Variants in WWTR1 observed in about 807,000 individuals in gnomAD.
The protein encoded by WWTR1 is WW domain-containing transcription regulator protein 1.
In WWTR1, 13 loss-of-function variants were observed where a neutral mutation model predicts 40.1. The ratio of observed to expected loss-of-function variants is 0.32; its 90% CI spans 0.21 to 0.52. The LOEUF (loss-of-function observed/expected upper bound fraction) is 0.52. Ranked by LOEUF, WWTR1 falls within the 20% of genes least tolerant of loss-of-function variation. The pLI is 0.97. For missense variants in WWTR1, 436 were observed against 523.1 expected (o/e 0.83, Z 1.63); for synonymous variants, 230 against 210.1 (o/e 1.09, Z -0.82).
At position 149,517,795 on chromosome 3, in the gene WWTR1, A is replaced by G. The variant is rs918911126; in HGVS notation, c.*3010T>C. 7 of 152,224 alleles carry G rather than the reference A, an allele frequency of 4.6e-5. No homozygotes were observed. The highest frequency in any genetic ancestry group is 1.4e-4 in the African/African-American group (6 of 41,466). 9.4% of individuals were successfully genotyped at this position (152,224 alleles called of 1,614,324 possible). On this transcript the variant is annotated 3_prime_UTR_variant, in exon 7 of 7. Transcript: ENST00000360632. ...ACAGAATTGCAATTAGGTTTTGACA[A>G]TGTATTTACTTCAAGACAATGTATT...
intron 3 of WWTR1, among the ~76,000 whole-genome samples, chr3:149,560,963 C>G (rs1455508408): frequency 6.6e-6 from 1 of 151,732 alleles, no homozygotes; most frequent in Admixed American, 6.6e-5. Context: ...AACACCCCCC[C>G]CCGCAAAAAA....
Position 149,527,946 on chromosome 3 carries a change from G to A in WWTR1, c.795C>T (p.Leu265=). ...MRQEAALCRQ[L]PMEAETLAPV... is the part of the protein sequence containing the mutation. Reference sequence around the variant, plus strand: ...GGGCAAGAGTCTCAGCTTCCATGGGGAGCTGTCGACAGAGGGCAGCTTCCT... The same window carrying A: ...GGGCAAGAGTCTCAGCTTCCATGGGAAGCTGTCGACAGAGGGCAGCTTCCT... Residue 265 remains leucine (L), a synonymous_variant, in exon 5 of 7, where the codon CTC becomes CTT. Transcript: ENST00000360632. 6.2e-7 allele frequency: 1 copy of A among 1,614,104 alleles called. No individual in the cohort carries two copies. Among genetic ancestry groups the A allele is most frequent in the Non-Finnish European group, 8.5e-7 (1 of 1,180,014 alleles).
rs141218312 is a variant in WWTR1, at chr3:149,539,614, G to T, written c.771+2721C>A. Among the ~76,000 whole-genome samples the T allele has an allele frequency of 6.9e-3, 1,050 of 152,314 alleles. 18 individuals are homozygous for T. Among genetic ancestry groups the T allele is most frequent in the African/African-American group, 0.024 (978 of 41,578 alleles). On this transcript the variant is annotated intron_variant, in intron 4 of 6. Transcript: ENST00000360632. ...AGGGGTAGGACAGAGAGAACAAACA[G>T]AAGTGTACAGATAATCTTTAAATTT... is the stretch of plus-strand genomic sequence containing the variant.
intron 3 of WWTR1, among the ~76,000 whole-genome samples, chr3:149,552,712 T>G (rs1736661451): frequency 6.6e-6 from 1 of 152,220 alleles, no homozygotes; most frequent in Admixed American, 6.5e-5. Flanking sequence ...CCCGAGTTTG[T>G]GCTATCACCA....
At chr3:149,676,477 G>GA (rs1714263843) in intron 1 of WWTR1, among the ~76,000 whole-genome samples, 2 of 151,724 alleles carry the variant, frequency 1.3e-5, no homozygotes, top group African/African-American at 4.8e-5. Context: ...GAAGGAACAA[G>GA]AAAAAAAATC....
At chr3:149,639,993 C>CAAAAAAAAAAAAAAAAA (rs1215330406) in intron 2 of WWTR1, among the ~76,000 whole-genome samples, 2 of 76,312 alleles carry the variant, frequency 2.6e-5, no homozygotes, top group African/African-American at 4.6e-5. Context: ...GACTCCGTCT[C>CAAAAAAAAAAAAAAAAA]AAAAAAAAAA....
At chr3:149,542,203 CTTGG>C in intron 4 of WWTR1, 128 bp downstream of exon 4, 1 of 1,059,064 alleles carries the variant, frequency 9.4e-7, no homozygotes, top group Non-Finnish European at 1.3e-6. Context: ...AATCAAGAGG[CTTGG>C]AGTAGGGCTT....
chr3:149,685,652 T>C (rs1421565081), intron 1 of WWTR1, among the ~76,000 whole-genome samples: 1 of 152,190 alleles, frequency 6.6e-6, no homozygotes, highest in African/African-American at 2.4e-5. Flanking sequence ...CATCACTAAG[T>C]CCAGATGATA....
At chr3:149,719,411 T>C (rs1715702211) in intron 4 of WWTR1, among the ~76,000 whole-genome samples, 1 of 152,164 alleles carries the variant, frequency 6.6e-6, no homozygotes, top group Admixed American at 6.5e-5. Context: ...CCTCAGGTGA[T>C]CCACCTGCCT....
chr3:149,674,363 C>T (rs1255219725), intron 1 of WWTR1, among the ~76,000 whole-genome samples: 1 of 151,974 alleles, frequency 6.6e-6, no homozygotes, highest in East Asian at 1.9e-4. Flanking sequence ...CCGAGGCAGG[C>T]GGATCACGAG....
chr3:149,696,193 G>A (rs143469675), intron 1 of WWTR1, among the ~76,000 whole-genome samples: 179 of 151,590 alleles, frequency 1.2e-3, no homozygotes, highest in African/African-American at 4.2e-3. Context: ...AAGAGATTTG[G>A]GCTTTGGACT....
chr3:149,522,696 T>G (rs905365917), intron 6 of WWTR1, among the ~76,000 whole-genome samples: 1 of 152,204 alleles, frequency 6.6e-6, no homozygotes, highest in East Asian at 1.9e-4. Flanking sequence ...ATTTTAACTT[T>G]CAGATACTCA....
intron 1 of WWTR1, chr3:149,701,547 T>C (rs1307518695): frequency 5.5e-6 from 1 of 180,886 alleles, no homozygotes; most frequent in Non-Finnish European, 1.2e-5. Context: ...GTCTGTTTTC[T>C]AAGAAACGTA....
At chr3:149,617,402 T>A (rs1264181039) in intron 2 of WWTR1, among the ~76,000 whole-genome samples, 1 of 152,228 alleles carries the variant, frequency 6.6e-6, no homozygotes, top group Non-Finnish European at 1.5e-5. Context: ...GCTGTGCTTC[T>A]TCAAGTTCAA....
rs566092490 is a variant in WWTR1 at position 149,656,994 on chromosome 3, T to C, written c.313A>G (p.Ser105Gly). 5.6e-6 allele frequency: 9 copies of C among 1,599,166 alleles called. No individual in the cohort carries two copies. The South Asian group carries it at 7.7e-5, about 14-fold the overall frequency. ...AGGTGCGCGTGCTGCTGCGCGGGGC[T>C]ACCCGCAGCACCCGCGCCGGTGCCC... ...QLGTGAGAAG[S>G]PAQQHAHLRQ... The change falls in exon 2 of 7, where the codon AGC (serine) becomes GGC (glycine). Residue 105 changes from serine to glycine, a missense_variant. Ser to Gly is a moderately conservative substitution (Grantham distance 56). Transcript: ENST00000360632.
At chr3:149,664,158 G>A (rs1177357466) in intron 2 of WWTR1, among the ~76,000 whole-genome samples, 1 of 152,270 alleles carries the variant, frequency 6.6e-6, no homozygotes, top group Non-Finnish European at 1.5e-5. Context: ...GGTCCCAGAA[G>A]CCCTTGGGGC....
chr3:149,713,168 C>T (rs188935360), intron 5 of WWTR1, among the ~76,000 whole-genome samples: 3 of 152,230 alleles, frequency 2.0e-5, no homozygotes, highest in Admixed American at 2.0e-4. Context: ...GTTTGAGGAA[C>T]TGAAGTCCAG....
intron 1 of WWTR1, among the ~76,000 whole-genome samples, chr3:149,695,086 A>G (rs1002116590): frequency 6.6e-6 from 1 of 152,226 alleles, no homozygotes; most frequent in Admixed American, 6.5e-5. Flanking sequence ...GTTCTCAATC[A>G]TTTGTGAAAG....
intron 1 of WWTR1, among the ~76,000 whole-genome samples, chr3:149,671,699 G>C (rs556997119): frequency 1.6e-4 from 24 of 151,990 alleles, no homozygotes; most frequent in Middle Eastern, 3.2e-3. Context: ...CTACAAATGA[G>C]CTCTTTTTTA....
Sources: gnomAD v4.1 joint callset for allele counts (sites outside exome capture counted in the v4.1 genomes callset) on GRCh38, gnomAD v4.1.1 for gene constraint, MANE v1.5 for transcripts, NCBI Gene and HGNC (gene_info 2026-07-23, HGNC 2026-07-21) for gene names.